SH2B3: variants seen among roughly 807,000 people sequenced by gnomAD.
The protein encoded by SH2B3 is SH2B adapter protein 3.
A neutral mutation model predicts 51.9 loss-of-function variants in SH2B3; 43 were observed. The ratio of observed to expected loss-of-function variants is 0.83; its 90% CI spans 0.65 to 1.07. The LOEUF (loss-of-function observed/expected upper bound fraction) is 1.07. SH2B3 is among the 50% of genes least tolerant of loss of function. SH2B3 has a pLI of 0.00. For missense variants in SH2B3, 952 were observed against 834.3 expected (o/e 1.14, Z -1.74); for synonymous variants, 396 against 376.0 (o/e 1.05, Z -0.62).
At chr12:111,431,831 T>A (rs917459390) in intron 2 of SH2B3, among the ~76,000 whole-genome samples, 3 of 152,212 alleles carry the variant, frequency 2.0e-5, no homozygotes, top group Admixed American at 6.5e-5. Context: ...GGTCTTAAAC[T>A]CCTAGGCTCA....
rs766957336 is a variant in SH2B3 at position 111,447,562 on chromosome 12, G to T, written c.1236+18G>T. 6 of 1,573,934 alleles carry T rather than the reference G, an allele frequency of 3.8e-6. No individual in the cohort carries two copies. The East Asian group carries it at 1.1e-4, about 30-fold the overall frequency. ...TAGCCAAGGTATGGGGTGGGGTGGG[G>T]TGGGGTGGGGCAGGCAGGACCGTGC... On this transcript the variant is annotated intron_variant, in intron 6 of 7. Transcript: ENST00000341259.
At position 111,406,470 on chromosome 12, in the gene SH2B3, C is replaced by T. The variant is rs900951117; in HGVS notation, c.-28+193C>T. On this transcript the variant is annotated intron_variant, in intron 1 of 7. Coordinates refer to ENST00000341259, the MANE Select transcript of SH2B3 (RefSeq NM_005475.3). This position sits in a 1 kb window ranked among gnomAD's most constrained non-coding sequence, Gnocchi z 5.7. Reference sequence around the variant, plus strand: ...GCGCCTACGACCCCCCACTCAGCCACTACCCCCACCCACACACGTGTTAGG... The same window carrying T: ...GCGCCTACGACCCCCCACTCAGCCATTACCCCCACCCACACACGTGTTAGG... Among the ~76,000 whole-genome samples the T allele has an allele frequency of 6.6e-6, 1 of 152,202 alleles. No individual in the cohort carries two copies. The highest frequency in any genetic ancestry group is 2.4e-5 in the African/African-American group (1 of 41,454).
chr12:111,426,771 T>G (rs907129745), intron 2 of SH2B3, among the ~76,000 whole-genome samples: 1 of 152,106 alleles, frequency 6.6e-6, no homozygotes, highest in African/African-American at 2.4e-5. Flanking sequence ...TCCCATGAGC[T>G]GGAGTTCACT....
Position 111,418,581 on chromosome 12 carries a change from T to C in SH2B3, c.436T>C (p.Phe146Leu). ...QHFRRSLRHIFRRRSAGELPA... is the reference protein window; with the variant it reads ...QHFRRSLRHILRRRSAGELPA... Reference sequence around the variant, plus strand: ...CTTTCGCCGCAGCCTCCGCCACATCTTCCGCCGCCGCTCGGCCGGGGAGCT... The same window carrying C: ...CTTTCGCCGCAGCCTCCGCCACATCCTCCGCCGCCGCTCGGCCGGGGAGCT... The change falls in exon 2 of 8, where the codon TTC (phenylalanine) becomes CTC (leucine). Residue 146 changes from phenylalanine (F) to leucine (L), a missense_variant. Phe to Leu is a conservative substitution (Grantham distance 22, BLOSUM62 0). Coordinates refer to ENST00000341259, the MANE Select transcript of SH2B3 (RefSeq NM_005475.3). The surrounding 1 kb of genome is among the most constrained non-coding windows in gnomAD (Gnocchi z 6.7). 1 of 1,485,418 alleles carries C rather than the reference T, an allele frequency of 6.7e-7. No homozygotes were observed. The highest frequency in any genetic ancestry group is 3.0e-5 in the East Asian group (1 of 33,370). The allele number at this position is 1,485,418 out of a possible 1,614,324, so 92.0% of individuals were successfully genotyped here.
At chr12:111,426,037 G>A (rs1871968423) in intron 2 of SH2B3, among the ~76,000 whole-genome samples, 1 of 152,234 alleles carries the variant, frequency 6.6e-6, no homozygotes. Context: ...CTGGTGTTTA[G>A]GTTTGATGGA....
intron 2 of SH2B3, among the ~76,000 whole-genome samples, chr12:111,424,525 A>G (rs1325412130): frequency 6.6e-6 from 1 of 152,066 alleles, no homozygotes; most frequent in Non-Finnish European, 1.5e-5. Flanking sequence ...CAGATTCCCT[A>G]GGGCTTTTCC....
In SH2B3 at chr12:111,451,075, T is replaced by G. The variant is rs1874541761; in HGVS notation, c.*2773T>G. 6.5e-6 allele frequency: 1 copy of G among 152,696 alleles called. No individual in the cohort carries two copies. The highest frequency in any genetic ancestry group is 1.5e-5 in the Non-Finnish European group (1 of 68,078). The allele number at this position is 152,696 out of a possible 1,614,324, so 9.5% of individuals were successfully genotyped here. A position where few individuals can be genotyped will look rare whatever the true frequency, so the allele number is the denominator to read the frequency against. On this transcript the variant is annotated 3_prime_UTR_variant, in exon 8 of 8. Transcript: ENST00000341259. The stretch of plus-strand genomic sequence containing the variant: ...CCTTCCTTCATCTGACTTATTGAAC[T>G]TTTACAAACTAACAGTCACCAGCAC...
chr12:111,440,720 GCTC>G (rs1240950222), intron 2 of SH2B3, among the ~76,000 whole-genome samples: 1 of 152,206 alleles, frequency 6.6e-6, no homozygotes, highest in Non-Finnish European at 1.5e-5. Flanking sequence ...AAACGCTACT[GCTC>G]CTTTCTCTGT....
chr12:111,420,067 C>T (rs1871410534), intron 2 of SH2B3, among the ~76,000 whole-genome samples: 1 of 152,200 alleles, frequency 6.6e-6, no homozygotes, highest in South Asian at 2.1e-4. Flanking sequence ...AAAACTCTGA[C>T]TCAGACTGGC....
intron 2 of SH2B3, among the ~76,000 whole-genome samples, chr12:111,436,058 T>G (rs1593062090): frequency 6.6e-6 from 1 of 151,826 alleles, no homozygotes. Flanking sequence ...ACAGGGCAGG[T>G]GGATGGAAGC....
intron 2 of SH2B3, among the ~76,000 whole-genome samples, chr12:111,440,475 G>C (rs1303123736): frequency 2.0e-5 from 3 of 152,244 alleles, no homozygotes; most frequent in Non-Finnish European, 4.4e-5. Context: ...GCCGGCCTGT[G>C]AATTCCACAA....
Position 111,446,740 on chromosome 12 carries a change from C to A in SH2B3, c.733-13C>A, listed in dbSNP as rs776092276. ...CAGGAACAAGCCTTGAGTACCCCAA[C>A]TTGGTCTCGTAGAGTTCAAGGCCCA... On this transcript the variant is annotated splice_polypyrimidine_tract_variant and intron_variant, in intron 2 of 7. Transcript: ENST00000341259. 4 of 1,490,806 alleles carry A rather than the reference C, an allele frequency of 2.7e-6. No individual in the cohort carries two copies. Among genetic ancestry groups the A allele is most frequent in the Non-Finnish European group, 3.6e-6 (4 of 1,107,990 alleles). The allele number at this position is 1,490,806 out of a possible 1,614,324, so 92.3% of individuals were successfully genotyped here.
intron 2 of SH2B3, among the ~76,000 whole-genome samples, chr12:111,441,865 T>C (rs1204846741): frequency 6.6e-6 from 1 of 152,162 alleles, no homozygotes; most frequent in Non-Finnish European, 1.5e-5. Flanking sequence ...GTCTGTGTTG[T>C]AGCAGCTGTC....
At chr12:111,444,870 G>A (rs1377150729) in intron 2 of SH2B3, 19 of 985,514 alleles carry the variant, frequency 1.9e-5, no homozygotes, top group Admixed American at 1.2e-4. Context: ...TAGCTGTGGC[G>A]GACCCCGGCT....
chr12:111,436,121 C>T (rs1872851823), intron 2 of SH2B3, among the ~76,000 whole-genome samples: 1 of 152,196 alleles, frequency 6.6e-6, no homozygotes, highest in Admixed American at 6.5e-5. Context: ...TGCAGCGCAG[C>T]TCCCGGTGCC....
intron 2 of SH2B3, among the ~76,000 whole-genome samples, chr12:111,427,205 G>GCAGCC (rs1226621698): frequency 2.6e-5 from 4 of 151,884 alleles, no homozygotes; most frequent in African/African-American, 4.8e-5. Flanking sequence ...GGCCAACATA[G>GCAGCC]TGAAACCCAG....
chr12:111,449,253 A>G lies in SH2B3; in HGVS notation c.*951A>G, dbSNP rs1286110537. On this transcript the variant is annotated 3_prime_UTR_variant, in exon 8 of 8. Coordinates refer to ENST00000341259, the MANE Select transcript of SH2B3 (RefSeq NM_005475.3). ...ATTAACTGGGGCTAGGGGAAGAGCAAGCAAAAAGGGAAGAAGGACTCCTAG... is the reference window on the plus strand; with the variant it reads ...ATTAACTGGGGCTAGGGGAAGAGCAGGCAAAAAGGGAAGAAGGACTCCTAG... 2.6e-5 allele frequency: 4 copies of G among 152,440 alleles called. No homozygotes were observed. The highest frequency in any genetic ancestry group is 5.9e-5 in the Non-Finnish European group (4 of 68,028). The allele number at this position is 152,440 out of a possible 1,614,324, so 9.4% of individuals were successfully genotyped here.
At position 111,418,501 on chromosome 12, in the gene SH2B3, G is replaced by A. The variant is rs777034332; in HGVS notation, c.356G>A (p.Arg119His). 13 of 1,379,910 alleles carry A rather than the reference G, an allele frequency of 9.4e-6. No individual in the cohort carries two copies. Among genetic ancestry groups the A allele is most frequent in the South Asian group, 1.5e-5 (1 of 68,292 alleles). 85.5% of individuals were successfully genotyped at this position (1,379,910 alleles called of 1,614,324 possible). Reference protein sequence around the residue: ...GPAAPGLPKARSSEELAPPRP... With the variant: ...GPAAPGLPKAHSSEELAPPRP... ...GCCGCCCCTGGCCTGCCCAAGGCCCGCAGCTCTGAGGAGCTGGCCCCGCCG... is the reference window on the plus strand; with the variant it reads ...GCCGCCCCTGGCCTGCCCAAGGCCCACAGCTCTGAGGAGCTGGCCCCGCCG... The change falls in exon 2 of 8, where the codon CGC becomes CAC. Residue 119 changes from arginine (R) to histidine (H), a missense_variant. Arg to His is a conservative substitution (Grantham distance 29, BLOSUM62 0). Coordinates refer to ENST00000341259, the MANE Select transcript of SH2B3 (RefSeq NM_005475.3). The surrounding 1 kb of genome is among the most constrained non-coding windows in gnomAD (Gnocchi z 6.7).
rs190610518 is a variant in SH2B3, at chr12:111,432,487, G to A, written c.732+13610G>A. On this transcript the variant is annotated intron_variant, in intron 2 of 7. Coordinates refer to ENST00000341259, the MANE Select transcript of SH2B3 (RefSeq NM_005475.3). ...AGGCTTTTATGAGCACTTCTGATCCGTTCTTGCTCTCAAAGCTTTATTGAG... is the reference window on the plus strand; with the variant it reads ...AGGCTTTTATGAGCACTTCTGATCCATTCTTGCTCTCAAAGCTTTATTGAG... 4.9e-3 allele frequency among the ~76,000 whole-genome samples: 742 copies of A among 152,240 alleles called. 9 individuals carry two copies. Among genetic ancestry groups the A allele is most frequent in the African/African-American group, 0.016 (679 of 41,542 alleles).
Sources: allele counts gnomAD v4.1 joint callset (sites outside exome capture counted in the v4.1 genomes callset), GRCh38; gene constraint gnomAD v4.1.1; non-coding constraint Gnocchi (gnomAD v3.1); transcripts MANE v1.5; gene names NCBI Gene and HGNC (gene_info 2026-07-23, HGNC 2026-07-21).